The following MBOAT2 variants were observed in gnomAD, a reference collection of about 807,000 sequenced individuals.
MBOAT2 encodes membrane-bound glycerophospholipid O-acyltransferase 2.
MBOAT2 carries 28 observed loss-of-function variants against 63.4 expected under a neutral mutation model. The observed-to-expected ratio is 0.44, with a 90% CI of 0.33 to 0.61. The LOEUF (loss-of-function observed/expected upper bound fraction) is 0.61, where lower values mean the gene tolerates loss of function less well. MBOAT2 is among the 20% of genes least tolerant of loss of function. The pLI is 0.03. For missense variants in MBOAT2, 470 were observed against 605.8 expected (o/e 0.78, Z 2.35); for synonymous variants, 211 against 215.6 (o/e 0.98, Z 0.19).
At chr2:8,980,225 G>T (rs1378038032) in intron 1 of MBOAT2, among the ~76,000 whole-genome samples, 1 of 152,140 alleles carries the variant, frequency 6.6e-6, no homozygotes, top group Non-Finnish European at 1.5e-5. Flanking sequence ...CAACTAGGTT[G>T]TGGGAACTAC....
chr2:8,859,996 C>T (rs932374066), intron 12 of MBOAT2, among the ~76,000 whole-genome samples: 1 of 151,874 alleles, frequency 6.6e-6, no homozygotes, highest in Non-Finnish European at 1.5e-5. Context: ...CCAGCCTGGC[C>T]AAGATGGTGA....
chr2:8,995,047 G>T (rs1037804475), intron 1 of MBOAT2, among the ~76,000 whole-genome samples: 48 of 151,524 alleles, frequency 3.2e-4, no homozygotes, highest in African/African-American at 1.2e-3. Context: ...TTTGTCAGGG[G>T]TCGGGGGTTG....
chr2:8,893,083 A>T (rs1369350265), intron 4 of MBOAT2, among the ~76,000 whole-genome samples: 1 of 9,520 alleles, frequency 1.1e-4, no homozygotes, highest in African/African-American at 4.0e-4. Context: ...GGGAGGAGGC[A>T]GGGGGAGGGG....
intron 3 of MBOAT2, among the ~76,000 whole-genome samples, chr2:8,912,339 GAAAGAAAGAA>G (rs1558606526): frequency 7.9e-5 from 8 of 100,928 alleles, no homozygotes; most frequent in African/African-American, 3.2e-4. Context: ...AAGAAAGAAA[GAAAGAAAGAA>G]AGAGAAAGAA....
rs968628714 is a variant in MBOAT2 at position 8,895,049 on chromosome 2, A to T, written c.396-6976T>A. Among the ~76,000 whole-genome samples the T allele has an allele frequency of 2.0e-5, 3 of 152,292 alleles. No individual in the cohort carries two copies. The South Asian group carries it at 6.2e-4, about 32-fold the overall frequency. On this transcript the variant is annotated intron_variant, in intron 4 of 12. Transcript: ENST00000305997. The stretch of plus-strand genomic sequence containing the variant: ...GCTGCAGACCTTCATGGTGAGTGTT[A>T]CCGCCTCATAAAGGCGGTGGGGACC...
chr2:8,923,234 A>G (rs184557016), intron 3 of MBOAT2, among the ~76,000 whole-genome samples: 14 of 152,296 alleles, frequency 9.2e-5, no homozygotes, highest in African/African-American at 3.1e-4. Flanking sequence ...GCTTTTCTCT[A>G]AATTGCTTAC....
At chr2:8,949,989 T>C (rs1668712971) in intron 2 of MBOAT2, among the ~76,000 whole-genome samples, 1 of 152,232 alleles carries the variant, frequency 6.6e-6, no homozygotes, top group Non-Finnish European at 1.5e-5. Context: ...CATCTATGAT[T>C]TCTTTTAGCA....
intron 3 of MBOAT2, among the ~76,000 whole-genome samples, chr2:8,924,572 A>T (rs1666807216): frequency 6.6e-6 from 1 of 152,132 alleles, no homozygotes. Flanking sequence ...AGAGGAAAGG[A>T]GCTTCGATGT....
intron 2 of MBOAT2, among the ~76,000 whole-genome samples, chr2:8,958,088 T>C (rs1273861734): frequency 1.3e-5 from 2 of 152,278 alleles, no homozygotes; most frequent in East Asian, 3.9e-4. Flanking sequence ...ATCTAAAAAA[T>C]GGCAATAAAG....
chr2:8,914,400 T>C (rs1376320211), intron 3 of MBOAT2, among the ~76,000 whole-genome samples: 1 of 151,944 alleles, frequency 6.6e-6, no homozygotes, highest in Non-Finnish European at 1.5e-5. Flanking sequence ...ACTACTTTAC[T>C]AAATAGGACA....
In MBOAT2 at chr2:8,883,601, G is replaced by A. The variant is rs758204082; in HGVS notation, c.452-1036C>T. ...GAAAAACAAACTCCCTGCTTTTATAGCACTTATATTCTAGTAGGGAGACAG... is the reference window on the plus strand; with the variant it reads ...GAAAAACAAACTCCCTGCTTTTATAACACTTATATTCTAGTAGGGAGACAG... On this transcript the variant is annotated intron_variant, in intron 5 of 12. Coordinates refer to ENST00000305997, the MANE Select transcript of MBOAT2 (RefSeq NM_138799.4). Among the ~76,000 whole-genome samples, 10 of 152,308 alleles carry A rather than the reference G, an allele frequency of 6.6e-5. No individual in the cohort carries two copies. In the South Asian group the frequency reaches 2.1e-3, roughly 32 times the overall value.
At chr2:8,980,755 T>C (rs148212207) in intron 1 of MBOAT2, among the ~76,000 whole-genome samples, 196 of 152,206 alleles carry the variant, frequency 1.3e-3, no homozygotes, top group Non-Finnish European at 2.0e-3. Flanking sequence ...TCCCACACAC[T>C]GCTGATGGGA....
intron 3 of MBOAT2, among the ~76,000 whole-genome samples, chr2:8,935,666 A>T (rs556202353): frequency 1.3e-5 from 2 of 152,388 alleles, no homozygotes; most frequent in South Asian, 4.1e-4. Flanking sequence ...TGCCCACAAT[A>T]TGAAGCATGC....
rs75210104 is a variant in MBOAT2 at position 8,983,317 on chromosome 2, A to G, written c.75+20223T>C. The stretch of plus-strand genomic sequence containing the variant: ...AATGGAAATTTCTTAGGTGAAATGC[A>G]CCAATTCCATACTCGAACTACTATA... On this transcript the variant is annotated intron_variant, in intron 1 of 12. Coordinates refer to ENST00000305997, the MANE Select transcript of MBOAT2 (RefSeq NM_138799.4). Among the ~76,000 whole-genome samples the G allele has an allele frequency of 4.6e-4, 70 of 152,340 alleles. No homozygotes were observed. The East Asian group carries it at 5.8e-3, about 13-fold the overall frequency.
At chr2:8,926,107 CTTTG>C (rs546327833) in intron 3 of MBOAT2, among the ~76,000 whole-genome samples, 90 of 152,082 alleles carry the variant, frequency 5.9e-4, no homozygotes, top group East Asian at 4.5e-3. Context: ...TTCTTTTGTT[CTTTG>C]TTTGTTTGTT....
chr2:8,928,997 A>G (rs1176533255), intron 3 of MBOAT2, among the ~76,000 whole-genome samples: 4 of 152,246 alleles, frequency 2.6e-5, no homozygotes, highest in Non-Finnish European at 5.9e-5. Flanking sequence ...AGACACCAAG[A>G]ACAGAACAGC....
chr2:8,955,317 G>T (rs1360278814), intron 2 of MBOAT2, among the ~76,000 whole-genome samples: 1 of 152,188 alleles, frequency 6.6e-6, no homozygotes, highest in Non-Finnish European at 1.5e-5. Context: ...TGGCTCCAGG[G>T]CTTGGGAGAA....
chr2:9,000,597 A>G (rs1265255669), intron 1 of MBOAT2, among the ~76,000 whole-genome samples: 1 of 152,174 alleles, frequency 6.6e-6, no homozygotes, highest in African/African-American at 2.4e-5. Flanking sequence ...TGTTCTGAAA[A>G]ATGCATCATT....
chr2:8,940,412 C>T (rs1667969668), intron 3 of MBOAT2, among the ~76,000 whole-genome samples: 1 of 152,146 alleles, frequency 6.6e-6, no homozygotes, highest in Admixed American at 6.5e-5. Context: ...CTGCCTCAAG[C>T]TCCCGAGTAG....
Sources: gnomAD v4.1 joint callset for allele counts (sites outside exome capture counted in the v4.1 genomes callset) on GRCh38, gnomAD v4.1.1 for gene constraint, MANE v1.5 for transcripts, NCBI Gene and HGNC (gene_info 2026-07-23, HGNC 2026-07-21) for gene names.